LRCOL1: variants seen among roughly 807,000 people sequenced by gnomAD.
LRCOL1 encodes the protein leucine-rich colipase-like protein 1.
In LRCOL1, 21 loss-of-function variants were observed where a neutral mutation model predicts 21.6. The ratio of observed to expected loss-of-function variants is 0.97; its 90% CI spans 0.69 to 1.40. The LOEUF is 1.40. Ranked by LOEUF, LRCOL1 falls within the 40% of genes most tolerant of loss-of-function variation. The pLI, the probability that LRCOL1 is intolerant of heterozygous loss-of-function variation, is 0.00. For missense variants in LRCOL1, 198 were observed against 202.3 expected (o/e 0.98, Z 0.13); for synonymous variants, 98 against 90.1 (o/e 1.09, Z -0.49).
At position 132,603,382 on chromosome 12, in the gene LRCOL1, C is replaced by T. The variant is rs989954057; in HGVS notation, c.*20G>A. The T allele has an allele frequency of 7.8e-6, 12 of 1,536,206 alleles. No individual in the cohort carries two copies. Among genetic ancestry groups the T allele is most frequent in the African/African-American group, 6.8e-5 (5 of 73,198 alleles). ...TCCCAGGGCCCAGGCCGGTCCCTCG[C>T]GCCCAGGTTCGAGCTCACATCACTG... is the stretch of plus-strand genomic sequence containing the variant. On this transcript the variant is annotated 3_prime_UTR_variant, in exon 6 of 6. Transcript: ENST00000376608.
intron 5 of LRCOL1, chr12:132,603,915 G>A: frequency 8.3e-7 from 1 of 1,208,228 alleles, no homozygotes; most frequent in East Asian, 4.2e-5. Flanking sequence ...CAGGGCTGGT[G>A]AGGCTGTTCC....
intron 5 of LRCOL1, chr12:132,603,978 T>C: frequency 1.5e-6 from 2 of 1,312,490 alleles, no homozygotes; most frequent in East Asian, 3.2e-5. Flanking sequence ...TGGTCCTGGG[T>C]CCCCCTCCCC....
At chr12:132,605,227 CT>C (rs1192091595) in intron 2 of LRCOL1, 18 of 724,854 alleles carry the variant, frequency 2.5e-5, no homozygotes, top group Non-Finnish European at 3.0e-5. Context: ...GGCCTCCCCC[CT>C]GCACCACGGC....
chr12:132,603,869 G>A (rs2041261232), intron 5 of LRCOL1: 5 of 1,165,888 alleles, frequency 4.3e-6, no homozygotes, highest in Non-Finnish European at 3.2e-6. Flanking sequence ...AGCAGAGGTC[G>A]GGGGAGGGAG....
At chr12:132,607,856 T>TCTGCCTCTCTGTCTCTGTCTCTCC (rs1282195861) in intron 1 of LRCOL1, among the ~76,000 whole-genome samples, 15 of 149,008 alleles carry the variant, frequency 1.0e-4, no homozygotes, top group African/African-American at 7.6e-5. Context: ...TCTGTCTCTC[T>TCTGCCTCTCTGTCTCTGTCTCTCC]CTGCCTCTCT....
At chr12:132,608,888 G>T (rs1408081187) in intron 1 of LRCOL1, among the ~76,000 whole-genome samples, 1 of 152,236 alleles carries the variant, frequency 6.6e-6, no homozygotes, top group South Asian at 2.1e-4. Flanking sequence ...AAGTTCACAG[G>T]CTTCGTTTCC....
intron 1 of LRCOL1, among the ~76,000 whole-genome samples, chr12:132,607,439 C>T (rs538640629): frequency 2.4e-4 from 37 of 152,330 alleles, no homozygotes; most frequent in African/African-American, 7.7e-4. Flanking sequence ...ATAAACCATT[C>T]GTTATGTAAG....
intron 1 of LRCOL1, among the ~76,000 whole-genome samples, chr12:132,609,304 G>A (rs1431648301): frequency 6.6e-6 from 1 of 152,244 alleles, no homozygotes; most frequent in African/African-American, 2.4e-5. Flanking sequence ...GATGGGGCCG[G>A]TTGACATTTG....
chr12:132,609,299 G>A (rs2041348595), intron 1 of LRCOL1, among the ~76,000 whole-genome samples: 1 of 152,226 alleles, frequency 6.6e-6, no homozygotes, highest in South Asian at 2.1e-4. Context: ...TGTTTGATGG[G>A]GCCGGTTGAC....
In LRCOL1 at chr12:132,606,197, C is replaced by CCAGCAG. The variant is rs112975396; in HGVS notation, c.49_54dup (p.Leu17_Leu18dup). On this transcript the variant is annotated inframe_insertion, in exon 2 of 6. Transcript: ENST00000376608. This position sits in a 1 kb window ranked among gnomAD's most constrained non-coding sequence, Gnocchi z 4.6. ...TGTGGCCCATACCCTGCCATGGACCCCAGCAGCAGCAGCAGCAGCAGCAGT... is the reference window on the plus strand; with the variant it reads ...TGTGGCCCATACCCTGCCATGGACCCCAGCAGCAGCAGCAGCAGCAGCAGCAGCAGT... 131 of 1,410,778 alleles carry CCAGCAG rather than the reference C, an allele frequency of 9.3e-5. No individual in the cohort carries two copies. Among genetic ancestry groups the CCAGCAG allele is most frequent in the Middle Eastern group, 1.8e-4 (1 of 5,476 alleles). 87.4% of individuals were successfully genotyped at this position (1,410,778 alleles called of 1,614,324 possible).
In LRCOL1 at chr12:132,606,921, G is replaced by A. The variant is rs1311653890; in HGVS notation, c.-13-657C>T. Among the ~76,000 whole-genome samples, 5 of 142,942 alleles carry A rather than the reference G, an allele frequency of 3.5e-5. No individual in the cohort carries two copies. The highest frequency in any genetic ancestry group is 1.4e-4 in the Admixed American group (2 of 14,658). 93.8% of individuals were successfully genotyped at this position (142,942 alleles called of 152,430 possible). ...TTTTTTTAACACATCGAGGCAAAAC[G>A]TGAAAAATGGATTTTGAAGAAGACT... On this transcript the variant is annotated intron_variant, in intron 1 of 5. Transcript: ENST00000376608. The surrounding 1 kb of genome is among the most constrained non-coding windows in gnomAD (Gnocchi z 4.6).
chr12:132,608,856 A>G (rs1345353629), intron 1 of LRCOL1, among the ~76,000 whole-genome samples: 1 of 152,230 alleles, frequency 6.6e-6, no homozygotes, highest in Non-Finnish European at 1.5e-5. Flanking sequence ...TCTGGTCTCA[A>G]ACCTTTTCGT....
chr12:132,609,033 C>T (rs2041346127), intron 1 of LRCOL1, among the ~76,000 whole-genome samples: 1 of 152,178 alleles, frequency 6.6e-6, no homozygotes, highest in African/African-American at 2.4e-5. Flanking sequence ...TCACGACGGC[C>T]AGAGGGTGGA....
In LRCOL1 at chr12:132,604,944, T is replaced by C; in HGVS notation, c.106-113A>G. On this transcript the variant is annotated intron_variant, in intron 2 of 5. Coordinates refer to ENST00000376608, the MANE Select transcript of LRCOL1 (RefSeq NM_001195520.2). ...TCCCCTGTGTCACCATCCTTCAAAC[T>C]TGGGTTTCCTGAGAAGTTTCTGGAA... The C allele has an allele frequency of 3.4e-6, 5 of 1,462,424 alleles. No individual in the cohort carries two copies. In the South Asian group the frequency reaches 6.9e-5, roughly 20 times the overall value. The allele number at this position is 1,462,424 out of a possible 1,614,324, so 90.6% of individuals were successfully genotyped here.
intron 5 of LRCOL1, chr12:132,604,011 T>A: frequency 7.3e-7 from 1 of 1,362,532 alleles, no homozygotes; most frequent in Non-Finnish European, 9.4e-7. Flanking sequence ...GCTCTGACGG[T>A]CTCTGACCGG....
Sources: gnomAD v4.1 joint callset for allele counts (sites outside exome capture counted in the v4.1 genomes callset) on GRCh38, gnomAD v4.1.1 for gene constraint, Gnocchi (gnomAD v3.1) non-coding constraint, MANE v1.5 for transcripts, NCBI Gene and HGNC (gene_info 2026-07-23, HGNC 2026-07-21) for gene names.